Variants in FAM98A observed in about 807,000 individuals in gnomAD.
The protein encoded by FAM98A is tRNA splicing ligase complex subunit 3A, also known as protein FAM98A.
FAM98A carries 25 observed loss-of-function variants against 62.9 expected under a neutral mutation model. That is an observed-to-expected ratio of 0.40 (90% CI 0.29 to 0.56). FAM98A has a LOEUF of 0.56. Among genes scored for constraint, FAM98A ranks in the 20% least tolerant of loss-of-function variants. FAM98A has a pLI of 0.51. For synonymous variants in FAM98A, 252 were observed against 228.6 expected, an observed-to-expected ratio of 1.10 and a Z score of -0.92; for missense variants, 653 against 640.7, an observed-to-expected ratio of 1.02 and a Z score of -0.21.
chr2:33,595,345 G>T, intron 2 of FAM98A, 144 bp downstream of exon 2: 1 of 606,648 alleles, frequency 1.6e-6, no homozygotes, highest in Non-Finnish European at 2.6e-6. Context: ...AAAAACAACG[G>T]ACGGAAAAAA....
chr2:33,591,505 C>A (rs529089911), intron 3 of FAM98A, among the ~76,000 whole-genome samples: 87 of 152,208 alleles, frequency 5.7e-4, no homozygotes, highest in Middle Eastern at 3.4e-3. Context: ...AAGGAAAGAA[C>A]TTTTCATAAA....
rs774359760 is a variant in FAM98A, at chr2:33,585,111, C to G, written c.1222G>C (p.Gly408Arg). 1.2e-6 allele frequency: 2 copies of G among 1,614,186 alleles called. No individual in the cohort carries two copies. The highest frequency in any genetic ancestry group is 3.3e-5 in the Admixed American group (2 of 60,028). Residue 408 changes from glycine (G) to arginine (R), a missense_variant, in exon 8 of 8, where the codon GGC (glycine) becomes CGC (arginine). Physicochemically the swap from Gly to Arg is moderately radical, Grantham distance 125. Transcript: ENST00000238823. ...GYRDSGFQPG[G>R]YHGGHSSGGY... ...CCACTGCTGTGGCCACCATGATAGC[C>G]ACCTGGCTGGAAACCTGAATCTCGA...
rs1441417172 is a variant in FAM98A at position 33,595,590 on chromosome 2, G to A, written c.101C>T (p.Ser34Phe). ...AAACTCGGGGGAACTGGCTCCAGCA[G>A]AGACTGCCTGAGAGAGCGCTCCATC... ...LEDGALSQAVSAGASSPEFTK... is the reference protein window; with the variant it reads ...LEDGALSQAVFAGASSPEFTK... Residue 34 changes from serine to phenylalanine, a missense_variant, in exon 2 of 8, where the codon TCT becomes TTT. Ser to Phe is a radical substitution (Grantham distance 155). Coordinates refer to ENST00000238823, the MANE Select transcript of FAM98A (RefSeq NM_015475.5). 1 of 1,602,692 alleles carries A rather than the reference G, an allele frequency of 6.2e-7. No individual in the cohort carries two copies. The highest frequency in any genetic ancestry group is 1.4e-5 in the African/African-American group (1 of 74,020).
chr2:33,595,172 A>G (rs1312506658), intron 2 of FAM98A, among the ~76,000 whole-genome samples: 1 of 152,184 alleles, frequency 6.6e-6, no homozygotes, highest in Non-Finnish European at 1.5e-5. Flanking sequence ...CTAGCCATCA[A>G]TCTAGGATCT....
At chr2:33,587,853 T>C (rs946856636) in intron 4 of FAM98A, among the ~76,000 whole-genome samples, 3 of 151,502 alleles carry the variant, frequency 2.0e-5, no homozygotes, top group African/African-American at 7.3e-5. Context: ...TCTTTTCACA[T>C]ACTAGATTAT....
intron 2 of FAM98A, 54 bp downstream of exon 2, chr2:33,595,435 C>G: frequency 6.9e-7 from 1 of 1,454,368 alleles, no homozygotes; most frequent in Non-Finnish European, 9.3e-7. Flanking sequence ...GTTCAGTTGA[C>G]AATACCTCAA....
At chr2:33,586,854 G>C in intron 5 of FAM98A, 176 bp from the exon 6 acceptor site, 1 of 584,290 alleles carries the variant, frequency 1.7e-6, no homozygotes, top group South Asian at 2.2e-5. Context: ...ACAAAAAGCT[G>C]ATTCACAAAA....
intron 1 of FAM98A, among the ~76,000 whole-genome samples, 161 bp downstream of exon 1, chr2:33,599,008 C>G (rs1208582167): frequency 6.6e-6 from 1 of 152,096 alleles, no homozygotes; most frequent in Non-Finnish European, 1.5e-5. Flanking sequence ...GCAGTGCAGA[C>G]AGTGGACGTG....
intron 6 of FAM98A, 26 bp from the exon 7 acceptor site, chr2:33,585,723 G>A (rs779656816): frequency 5.7e-5 from 91 of 1,588,410 alleles, no homozygotes; most frequent in Non-Finnish European, 7.5e-5. Flanking sequence ...TGTTCAAAGA[G>A]AAATGTCAAT....
intron 4 of FAM98A, 158 bp downstream of exon 4, chr2:33,588,177 G>T (rs1179312246): frequency 4.8e-6 from 3 of 621,298 alleles, no homozygotes; most frequent in South Asian, 1.9e-5. Context: ...TATCTTTAAG[G>T]CATCTAGGAT....
At chr2:33,594,873 T>C (rs1161997506) in intron 2 of FAM98A, among the ~76,000 whole-genome samples, 1 of 152,116 alleles carries the variant, frequency 6.6e-6, no homozygotes, top group African/African-American at 2.4e-5. Flanking sequence ...AGGAACCAGA[T>C]GGTAGAGTGG....
At chr2:33,585,725 A>T (rs1677533624) in intron 6 of FAM98A, 28 bp from the exon 7 acceptor site, 1 of 1,587,670 alleles carries the variant, frequency 6.3e-7, no homozygotes, top group African/African-American at 1.4e-5. Flanking sequence ...TTCAAAGAGA[A>T]ATGTCAATTT....
chr2:33,594,201 T>C (rs1677736663), intron 2 of FAM98A, among the ~76,000 whole-genome samples: 1 of 152,208 alleles, frequency 6.6e-6, no homozygotes, highest in Non-Finnish European at 1.5e-5. Flanking sequence ...GCTGTTGCTA[T>C]CATTACTGTT....
chr2:33,592,304 G>T, intron 2 of FAM98A, 90 bp from the exon 3 acceptor site: 2 of 1,065,638 alleles, frequency 1.9e-6, no homozygotes, highest in Non-Finnish European at 1.3e-6. Context: ...ATTGTTAATA[G>T]GATTTTCATA....
intron 3 of FAM98A, chr2:33,589,024 G>A (rs1241520310): frequency 6.6e-6 from 1 of 152,182 alleles, no homozygotes; most frequent in Non-Finnish European, 1.5e-5. Context: ...AGAAGTCAAA[G>A]CTTAACTCAC....
At chr2:33,596,875 G>C (rs1677824271) in intron 1 of FAM98A, among the ~76,000 whole-genome samples, 2 of 120,288 alleles carry the variant, frequency 1.7e-5, no homozygotes, top group African/African-American at 6.7e-5. Context: ...CTGGGCGACA[G>C]AGCAAGACTC....
intron 1 of FAM98A, among the ~76,000 whole-genome samples, chr2:33,595,995 G>A (rs1049371145): frequency 1.3e-5 from 2 of 152,090 alleles, no homozygotes; most frequent in African/African-American, 4.8e-5. Flanking sequence ...ACAAGTAATA[G>A]CTAATTATAC....
chr2:33,585,110 C>G lies in FAM98A; in HGVS notation c.1223G>C (p.Gly408Ala), dbSNP rs1309844724. The change falls in exon 8 of 8, where the codon GGC becomes GCC. Residue 408 changes from glycine (G) to alanine (A), a missense_variant. Gly to Ala is a moderately conservative substitution (Grantham distance 60). Transcript: ENST00000238823. ...GYRDSGFQPG[G>A]YHGGHSSGGY... is the part of the protein sequence containing the mutation. Reference sequence around the variant, plus strand: ...ACCACTGCTGTGGCCACCATGATAGCCACCTGGCTGGAAACCTGAATCTCG... The same window carrying G: ...ACCACTGCTGTGGCCACCATGATAGGCACCTGGCTGGAAACCTGAATCTCG... 1 of 1,614,178 alleles carries G rather than the reference C, an allele frequency of 6.2e-7. No homozygotes were observed. The highest frequency in any genetic ancestry group is 8.5e-7 in the Non-Finnish European group (1 of 1,180,022).
intron 6 of FAM98A, 105 bp from the exon 7 acceptor site, chr2:33,585,802 T>C: frequency 9.9e-7 from 1 of 1,010,764 alleles, no homozygotes; most frequent in Non-Finnish European, 1.5e-6. Context: ...TAATGATATT[T>C]ACTAGGCTCT....
Sources: allele counts gnomAD v4.1 joint callset (sites outside exome capture counted in the v4.1 genomes callset), GRCh38; gene constraint gnomAD v4.1.1; transcripts MANE v1.5; gene names NCBI Gene and HGNC (gene_info 2026-07-23, HGNC 2026-07-21).